The following KCNIP4 variants were observed in gnomAD, a reference collection of about 807,000 sequenced individuals.
The protein encoded by KCNIP4 is potassium voltage-gated channel interacting protein 4.
In KCNIP4, 12 loss-of-function variants were observed where a neutral mutation model predicts 34.0. The ratio of observed to expected loss-of-function variants is 0.35; its 90% CI spans 0.23 to 0.57. KCNIP4 has a LOEUF of 0.57. KCNIP4 is among the 20% of genes least tolerant of loss of function. The pLI, the probability that KCNIP4 is intolerant of heterozygous loss-of-function variation, is 0.83. For synonymous variants in KCNIP4, 124 were observed against 102.2 expected (o/e 1.21, Z -1.29); for missense variants, 238 against 311.7 (o/e 0.76, Z 1.78).
At chr4:20,890,810 G>C (rs2149535957) in intron 1 of KCNIP4, among the ~76,000 whole-genome samples, 1 of 152,224 alleles carries the variant, frequency 6.6e-6, no homozygotes, top group African/African-American at 2.4e-5. Context: ...TTACCAATTG[G>C]AAAGGTTTTA....
At chr4:21,546,462 GA>G (rs1226231065) in intron 1 of KCNIP4, among the ~76,000 whole-genome samples, 1 of 152,124 alleles carries the variant, frequency 6.6e-6, no homozygotes, top group Non-Finnish European at 1.5e-5. Flanking sequence ...GTAATTCGAA[GA>G]GAGAGAAACA....
Position 20,894,289 on chromosome 4 carries a change from G to A in KCNIP4, c.62-11580C>T, listed in dbSNP as rs1726266650. On this transcript the variant is annotated intron_variant, in intron 1 of 8. Transcript: ENST00000382152. ...GGTGAGTAAGGTTGATTCTTCTGAT[G>A]GCGAGAGAACACAAATAAATTGATT... 2.0e-5 allele frequency among the ~76,000 whole-genome samples: 3 copies of A among 152,126 alleles called. No homozygotes were observed. The South Asian group carries it at 6.2e-4, about 32-fold the overall frequency.
chr4:21,419,051 GT>G (rs769454805), intron 1 of KCNIP4, among the ~76,000 whole-genome samples: 47 of 152,170 alleles, frequency 3.1e-4, no homozygotes, highest in Admixed American at 7.2e-4. Context: ...CTACTCGGGA[GT>G]TTTCACCTGT....
chr4:21,886,492 T>C (rs931851204), intron 1 of KCNIP4, among the ~76,000 whole-genome samples: 2 of 152,262 alleles, frequency 1.3e-5, no homozygotes, highest in African/African-American at 4.8e-5. Flanking sequence ...AACCCTAATG[T>C]ATTTTTACAG....
At chr4:21,033,720 A>G (rs1213074058) in intron 1 of KCNIP4, among the ~76,000 whole-genome samples, 2 of 152,206 alleles carry the variant, frequency 1.3e-5, no homozygotes, top group Non-Finnish European at 2.9e-5. Flanking sequence ...CTCTCTATAT[A>G]AAGTCTTCTA....
intron 1 of KCNIP4, among the ~76,000 whole-genome samples, chr4:21,100,251 A>G (rs1747817944): frequency 6.6e-6 from 1 of 152,174 alleles, no homozygotes; most frequent in African/African-American, 2.4e-5. Flanking sequence ...TGTGGTTTTA[A>G]GAAATTGCCA....
At chr4:21,811,060 T>C (rs1217856655) in intron 1 of KCNIP4, among the ~76,000 whole-genome samples, 2 of 152,192 alleles carry the variant, frequency 1.3e-5, no homozygotes, top group Non-Finnish European at 2.9e-5. Context: ...TAGTCCCACT[T>C]TAACTAACAG....
intron 1 of KCNIP4, among the ~76,000 whole-genome samples, chr4:21,887,009 C>T (rs188892279): frequency 1.3e-5 from 2 of 152,222 alleles, no homozygotes; most frequent in East Asian, 3.9e-4. Flanking sequence ...ATCTACTAAG[C>T]AGCAAGCTAT....
intron 1 of KCNIP4, among the ~76,000 whole-genome samples, chr4:21,339,233 C>T (rs1282139116): frequency 6.6e-6 from 1 of 152,146 alleles, no homozygotes; most frequent in Non-Finnish European, 1.5e-5. Flanking sequence ...GCAGAAATGC[C>T]TATTTGTTCA....
intron 1 of KCNIP4, among the ~76,000 whole-genome samples, chr4:21,099,433 G>A (rs979832250): frequency 6.6e-6 from 1 of 152,022 alleles, no homozygotes; most frequent in Admixed American, 6.6e-5. Flanking sequence ...GGACACATCG[G>A]GGGGAACAAC....
At chr4:21,187,136 A>G (rs1755292509) in intron 1 of KCNIP4, among the ~76,000 whole-genome samples, 1 of 152,160 alleles carries the variant, frequency 6.6e-6, no homozygotes, top group Non-Finnish European at 1.5e-5. Flanking sequence ...TTAAATCTCT[A>G]ATGTATAGCT....
At chr4:21,815,723 C>T (rs2109278747) in intron 1 of KCNIP4, among the ~76,000 whole-genome samples, 1 of 152,202 alleles carries the variant, frequency 6.6e-6, no homozygotes, top group African/African-American at 2.4e-5. Flanking sequence ...AAAAGTACTG[C>T]CTGTAAAAAT....
intron 1 of KCNIP4, among the ~76,000 whole-genome samples, chr4:21,178,654 CTCCCT>C (rs935441454): frequency 2.1e-5 from 3 of 145,760 alleles, no homozygotes; most frequent in African/African-American, 8.4e-5. Context: ...CACTTAACTT[CTCCCT>C]TCCAAAACTG....
chr4:21,432,533 G>C (rs903722568), intron 1 of KCNIP4, among the ~76,000 whole-genome samples: 3 of 152,104 alleles, frequency 2.0e-5, no homozygotes, highest in African/African-American at 7.2e-5. Flanking sequence ...GCAAAACAAG[G>C]AGATACAATC....
intron 1 of KCNIP4, among the ~76,000 whole-genome samples, chr4:21,377,074 A>G (rs1721028314): frequency 1.3e-5 from 2 of 152,044 alleles, no homozygotes; most frequent in Non-Finnish European, 2.9e-5. Flanking sequence ...GCATTTTTAC[A>G]TTTGTCTTCT....
At chr4:21,123,855 G>C (rs940473112) in intron 1 of KCNIP4, among the ~76,000 whole-genome samples, 1 of 152,030 alleles carries the variant, frequency 6.6e-6, no homozygotes, top group Non-Finnish European at 1.5e-5. Flanking sequence ...CAAGCATGTG[G>C]CTGTCTCCGA....
chr4:20,933,733 G>C (rs1364909554), intron 1 of KCNIP4, among the ~76,000 whole-genome samples: 1 of 120,118 alleles, frequency 8.3e-6, no homozygotes, highest in Non-Finnish European at 1.8e-5. Flanking sequence ...ACCACGTCTA[G>C]CTGAAAAAGA....
intron 2 of KCNIP4, among the ~76,000 whole-genome samples, chr4:20,876,881 A>G (rs1724102005): frequency 1.3e-5 from 2 of 152,136 alleles, no homozygotes; most frequent in African/African-American, 4.8e-5. Context: ...CCATGAAGAA[A>G]TCTTATAAGA....
chr4:21,697,580 T>C, intron 1 of KCNIP4: 1 of 1,382,140 alleles, frequency 7.2e-7, no homozygotes, highest in Non-Finnish European at 9.2e-7. Context: ...TGGAATTAGC[T>C]GTTAGCGCCT....
Sources: gnomAD v4.1 joint callset for allele counts (sites outside exome capture counted in the v4.1 genomes callset) on GRCh38, gnomAD v4.1.1 for gene constraint, MANE v1.5 for transcripts, NCBI Gene and HGNC (gene_info 2026-07-23, HGNC 2026-07-21) for gene names.